Variants in MECOM observed in about 807,000 individuals in gnomAD.
The protein encoded by MECOM is histone-lysine N-methyltransferase MECOM.
In MECOM, 13 loss-of-function variants were observed where a neutral mutation model predicts 116.3. The observed-to-expected ratio is 0.11, with a 90% confidence interval of 0.07 to 0.18. The LOEUF (loss-of-function observed/expected upper bound fraction) is 0.18. MECOM is among the 10% of genes least tolerant of loss of function. The pLI is 1.00. For missense variants in MECOM, 1,299 were observed against 1,509.0 expected, an observed-to-expected ratio of 0.86 and a Z score of 2.31; for synonymous variants, 528 against 535.2, an observed-to-expected ratio of 0.99 and a Z score of 0.19.
chr3:169,139,668 T>C (rs1737495580), intron 3 of MECOM, among the ~76,000 whole-genome samples: 1 of 152,120 alleles, frequency 6.6e-6, no homozygotes, highest in Non-Finnish European at 1.5e-5. Context: ...AAAGCTGTTG[T>C]GTCCAGAGAA....
chr3:169,497,342 C>CTTTTTTTTTTTTTTTTTTTTTTT (rs1349446825), intron 1 of MECOM, among the ~76,000 whole-genome samples: 1 of 150,094 alleles, frequency 6.7e-6, no homozygotes, highest in African/African-American at 2.4e-5. Context: ...TTCTCTTTTT[C>CTTTTTTTTTTTTTTTTTTTTTTT]TTTTTCTTTT....
chr3:169,206,812 T>C (rs1300874916), intron 2 of MECOM, among the ~76,000 whole-genome samples: 7 of 151,284 alleles, frequency 4.6e-5, no homozygotes, highest in Non-Finnish European at 1.0e-4. Flanking sequence ...AATCAAAATT[T>C]CTAAGTGTGT....
chr3:169,343,202 G>A (rs1724835502), intron 2 of MECOM, among the ~76,000 whole-genome samples: 1 of 152,146 alleles, frequency 6.6e-6, no homozygotes, highest in South Asian at 2.1e-4. Flanking sequence ...ATGCGTAATA[G>A]CCTGATAAGT....
Position 169,161,045 on chromosome 3 carries a change from A to G in MECOM, c.376-17213T>C, listed in dbSNP as rs76635234. ...GACAATGAGTTCAACACGTAAACCA[A>G]CTTAGTTCAATTTGCTCCACAAGTA... On this transcript the variant is annotated intron_variant, in intron 2 of 16. Coordinates refer to ENST00000651503, the MANE Select transcript of MECOM (RefSeq NM_004991.4). Among the ~76,000 whole-genome samples the G allele has an allele frequency of 2.6e-4, 39 of 152,314 alleles. No homozygotes were observed. The East Asian group carries it at 7.1e-3, about 28-fold the overall frequency.
intron 2 of MECOM, among the ~76,000 whole-genome samples, chr3:169,369,456 C>A (rs1328044994): frequency 7.0e-6 from 1 of 142,738 alleles, no homozygotes. Context: ...AAGCAATCTT[C>A]CTGCCTCAGT....
chr3:169,613,343 T>C (rs774583028), intron 1 of MECOM, among the ~76,000 whole-genome samples: 1 of 152,188 alleles, frequency 6.6e-6, no homozygotes, highest in Admixed American at 6.5e-5. Flanking sequence ...CAGCACCTTG[T>C]TTTTAACATC....
At chr3:169,531,420 G>A (rs1055336722) in intron 1 of MECOM, among the ~76,000 whole-genome samples, 7 of 152,100 alleles carry the variant, frequency 4.6e-5, no homozygotes, top group Non-Finnish European at 1.0e-4. Context: ...AAATTTAAAG[G>A]ATACTCTGGA....
intron 2 of MECOM, among the ~76,000 whole-genome samples, chr3:169,340,855 G>T (rs1178090929): frequency 6.6e-6 from 1 of 152,168 alleles, no homozygotes; most frequent in East Asian, 1.9e-4. Flanking sequence ...TCATAAAAGA[G>T]CCTGACAGGT....
chr3:169,386,617 C>T (rs562385323), intron 1 of MECOM, among the ~76,000 whole-genome samples: 2 of 152,112 alleles, frequency 1.3e-5, no homozygotes, highest in East Asian at 1.9e-4. Flanking sequence ...TATAGGAATC[C>T]ACAACAGCTG....
intron 3 of MECOM, among the ~76,000 whole-genome samples, chr3:169,138,795 C>T (rs1405612755): frequency 2.0e-5 from 3 of 152,096 alleles, no homozygotes; most frequent in Non-Finnish European, 4.4e-5. Flanking sequence ...CATAGCTAAT[C>T]TACCTTGCTG....
At chr3:169,585,834 T>G (rs530918269) in intron 1 of MECOM, among the ~76,000 whole-genome samples, 1 of 152,340 alleles carries the variant, frequency 6.6e-6, no homozygotes, top group East Asian at 1.9e-4. Flanking sequence ...TGCCATTCAA[T>G]ACACTTCTTG....
intron 2 of MECOM, chr3:169,147,391 T>A: frequency 1.0e-6 from 1 of 985,488 alleles, no homozygotes; most frequent in Non-Finnish European, 1.2e-6. Context: ...ACTGTCTCTT[T>A]AAAGAGGATC....
At chr3:169,402,171 A>G (rs544010756) in intron 1 of MECOM, among the ~76,000 whole-genome samples, 37 of 152,310 alleles carry the variant, frequency 2.4e-4, no homozygotes, top group African/African-American at 8.2e-4. Context: ...ATAAACTTCA[A>G]TGAGCTCATA....
intron 1 of MECOM, among the ~76,000 whole-genome samples, chr3:169,522,370 C>T (rs1453685467): frequency 1.3e-5 from 2 of 152,142 alleles, no homozygotes; most frequent in African/African-American, 2.4e-5. Context: ...AGTCATGACT[C>T]TAGGTTGCCT....
chr3:169,524,992 T>C (rs1207040714), intron 1 of MECOM, among the ~76,000 whole-genome samples: 3 of 151,836 alleles, frequency 2.0e-5, no homozygotes, highest in Admixed American at 1.3e-4. Context: ...AAAAAAGACA[T>C]ATTGTGAGAT....
chr3:169,554,945 G>C (rs949508417), intron 1 of MECOM, among the ~76,000 whole-genome samples: 2 of 152,210 alleles, frequency 1.3e-5, no homozygotes, highest in Middle Eastern at 6.3e-3. Flanking sequence ...AAGTATGCAA[G>C]TCACTGAATA....
intron 1 of MECOM, among the ~76,000 whole-genome samples, chr3:169,479,674 AAAAT>A (rs1301613127): frequency 8.7e-4 from 111 of 126,920 alleles, no homozygotes; most frequent in African/African-American, 2.8e-3. Flanking sequence ...AAAAAAAAAA[AAAAT>A]TTGCCTGATT....
At chr3:169,586,992 C>A (rs1173722395) in intron 1 of MECOM, among the ~76,000 whole-genome samples, 1 of 152,198 alleles carries the variant, frequency 6.6e-6, no homozygotes, top group Non-Finnish European at 1.5e-5. Context: ...CTGTTCTAAG[C>A]ACCTTACATG....
intron 1 of MECOM, among the ~76,000 whole-genome samples, chr3:169,470,430 T>G (rs2293557): frequency 1.3e-5 from 2 of 152,248 alleles, no homozygotes; most frequent in African/African-American, 4.8e-5. Flanking sequence ...ACTCAGATCA[T>G]TGGAGGTCCT....
Sources: gnomAD v4.1 joint callset for allele counts (sites outside exome capture counted in the v4.1 genomes callset) on GRCh38, gnomAD v4.1.1 for gene constraint, MANE v1.5 for transcripts, NCBI Gene and HGNC (gene_info 2026-07-23, HGNC 2026-07-21) for gene names.